TAS2R1: variants seen among roughly 807,000 people sequenced by gnomAD.
The protein encoded by TAS2R1 is taste receptor type 2 member 1.
For synonymous variants in TAS2R1, 141 were observed against 134.2 expected, an observed-to-expected ratio of 1.05 and a Z score of -0.35; for missense variants, 370 against 353.4, an observed-to-expected ratio of 1.05 and a Z score of -0.38.
chr5:9,781,411 G>C, the TAS2R1 span, among the ~76,000 whole-genome samples: 2 of 152,168 alleles, frequency 1.3e-5, no homozygotes, highest in Admixed American at 6.5e-5. Flanking sequence ...TGCTGCAATG[G>C]CCTCCAGAGC....
chr5:9,845,988 T>C, the TAS2R1 span, among the ~76,000 whole-genome samples: 1 of 152,214 alleles, frequency 6.6e-6, no homozygotes. Context: ...ATATTATTCA[T>C]ATATTAGCAT....
At chr5:9,693,643 CATA>C (rs1206059206) in intron 1 of TAS2R1, among the ~76,000 whole-genome samples, 4 of 149,132 alleles carry the variant, frequency 2.7e-5, no homozygotes, top group African/African-American at 7.4e-5. Context: ...AATAAAGAGG[CATA>C]ATAATAATAA....
the TAS2R1 span, among the ~76,000 whole-genome samples, chr5:9,789,008 T>C: frequency 6.6e-6 from 1 of 152,176 alleles, no homozygotes; most frequent in Non-Finnish European, 1.5e-5. Context: ...CTTGTTTGTA[T>C]CATGGTTTCA....
chr5:9,647,275 T>C (rs1346920745), intron 2 of TAS2R1, among the ~76,000 whole-genome samples: 1 of 152,204 alleles, frequency 6.6e-6, no homozygotes, highest in Non-Finnish European at 1.5e-5. Context: ...CAAGGACTAT[T>C]CAGATGTCTT....
chr5:9,876,004 T>A, the TAS2R1 span, among the ~76,000 whole-genome samples: 2 of 152,122 alleles, frequency 1.3e-5, no homozygotes, highest in African/African-American at 4.8e-5. Flanking sequence ...AGAGAAGACA[T>A]CTACATACCC....
the TAS2R1 span, among the ~76,000 whole-genome samples, chr5:9,768,320 A>G: frequency 2.0e-4 from 31 of 152,052 alleles, no homozygotes; most frequent in African/African-American, 7.0e-4. Context: ...CATTGTATTC[A>G]CAAAATCCCT....
intron 2 of TAS2R1, among the ~76,000 whole-genome samples, chr5:9,657,622 G>A (rs1398951241): frequency 6.6e-6 from 1 of 152,178 alleles, no homozygotes; most frequent in Non-Finnish European, 1.5e-5. Context: ...AGGACATTAA[G>A]CTGAGTGAAA....
At chr5:9,728,664 T>C in the TAS2R1 span, among the ~76,000 whole-genome samples, 2 of 152,148 alleles carry the variant, frequency 1.3e-5, no homozygotes, top group African/African-American at 4.8e-5. Context: ...GAGTAAGGGA[T>C]AGAGAAGCCC....
At chr5:9,674,416 CT>C (rs1403514456) in intron 1 of TAS2R1, among the ~76,000 whole-genome samples, 1 of 152,176 alleles carries the variant, frequency 6.6e-6, no homozygotes, top group African/African-American at 2.4e-5. Flanking sequence ...TTATCTTCCC[CT>C]GGCATAATGT....
chr5:9,645,972 G>C (rs2126484549), intron 2 of TAS2R1, among the ~76,000 whole-genome samples: 1 of 152,178 alleles, frequency 6.6e-6, no homozygotes. Context: ...TGTCACATTG[G>C]GTGTGCTGAA....
the TAS2R1 span, among the ~76,000 whole-genome samples, chr5:9,754,616 C>A: frequency 4.6e-5 from 7 of 152,132 alleles, no homozygotes; most frequent in Non-Finnish European, 4.4e-5. Flanking sequence ...AACAGAGAGC[C>A]AAATCACGAG....
the TAS2R1 span, among the ~76,000 whole-genome samples, chr5:9,781,961 G>T: frequency 6.6e-6 from 1 of 152,312 alleles, no homozygotes; most frequent in African/African-American, 2.4e-5. Context: ...CCATTAAAAT[G>T]GGGATAGATG....
At chr5:9,707,647 C>T (rs1741644633) in intron 1 of TAS2R1, among the ~76,000 whole-genome samples, 1 of 152,006 alleles carries the variant, frequency 6.6e-6, no homozygotes, top group Admixed American at 6.6e-5. Context: ...CGCACCACTG[C>T]ACTCTAGCCT....
chr5:9,860,900 G>C, the TAS2R1 span, among the ~76,000 whole-genome samples: 1 of 152,086 alleles, frequency 6.6e-6, no homozygotes, highest in Non-Finnish European at 1.5e-5. Context: ...CCTGCAGCAA[G>C]ACGATCTAAG....
chr5:9,670,363 C>T (rs1006745568), intron 1 of TAS2R1, among the ~76,000 whole-genome samples: 1 of 152,074 alleles, frequency 6.6e-6, no homozygotes, highest in Non-Finnish European at 1.5e-5. Flanking sequence ...ACTCTTGTGC[C>T]AATCACTGAG....
chr5:9,825,017 G>A, the TAS2R1 span, among the ~76,000 whole-genome samples: 1 of 152,168 alleles, frequency 6.6e-6, no homozygotes, highest in Non-Finnish European at 1.5e-5. Flanking sequence ...AAACTGACTT[G>A]TGCAGTGTTC....
chr5:9,816,314 ATATAAG>A, the TAS2R1 span, among the ~76,000 whole-genome samples: 3 of 152,306 alleles, frequency 2.0e-5, no homozygotes, highest in East Asian at 1.9e-4. Flanking sequence ...ATAAAATAGT[ATATAAG>A]TATATGTGAT....
the TAS2R1 span, among the ~76,000 whole-genome samples, chr5:9,873,754 G>A: frequency 5.3e-5 from 8 of 151,592 alleles, no homozygotes; most frequent in South Asian, 4.2e-4. Flanking sequence ...TTGTAGTCCC[G>A]GCTACTCAGG....
the TAS2R1 span, among the ~76,000 whole-genome samples, chr5:9,878,553 C>G: frequency 6.6e-6 from 1 of 152,214 alleles, no homozygotes; most frequent in South Asian, 2.1e-4. Context: ...TATGATTCTT[C>G]TAAAAGTTCT....
Sources: gnomAD v4.1 joint callset for allele counts (sites outside exome capture counted in the v4.1 genomes callset) on GRCh38, gnomAD v4.1.1 for gene constraint, MANE v1.5 for transcripts, NCBI Gene and HGNC (gene_info 2026-07-23, HGNC 2026-07-21) for gene names.